Variants in NEMP2 observed in about 807,000 individuals in gnomAD.
NEMP2 encodes nuclear envelope integral membrane protein 2.
A neutral mutation model predicts 54.2 loss-of-function variants in NEMP2; 53 were observed. That is an observed-to-expected ratio of 0.98 (90% CI 0.78 to 1.23). NEMP2 has a LOEUF of 1.23. Among genes scored for constraint, NEMP2 ranks in the 50% most tolerant of loss-of-function variants. NEMP2 has a pLI of 0.00. For missense variants in NEMP2, 455 were observed against 511.3 expected (o/e 0.89, Z 1.06); for synonymous variants, 197 against 190.3 (o/e 1.04, Z -0.29).
chr2:190,548,704 T>C, the NEMP2 span, among the ~76,000 whole-genome samples: 1 of 152,280 alleles, frequency 6.6e-6, no homozygotes, highest in African/African-American at 2.4e-5. Context: ...TTTGTTACTC[T>C]TAATCTTTAT....
the NEMP2 span, among the ~76,000 whole-genome samples, chr2:190,574,366 G>A: frequency 2.6e-5 from 4 of 151,806 alleles, no homozygotes; most frequent in African/African-American, 9.7e-5. Flanking sequence ...AAAAAAAAAA[G>A]TGTTTCACAA....
the NEMP2 span, among the ~76,000 whole-genome samples, chr2:190,487,051 T>C: frequency 6.6e-6 from 1 of 152,160 alleles, no homozygotes; most frequent in African/African-American, 2.4e-5. This position sits in a 1 kb window ranked among gnomAD's most constrained non-coding sequence, Gnocchi z 5.5. Flanking sequence ...AACTGAACTA[T>C]ATATTAAGAA....
chr2:190,593,097 A>G, the NEMP2 span, among the ~76,000 whole-genome samples: 809 of 152,194 alleles, frequency 5.3e-3, 1 homozygote, highest in Non-Finnish European at 7.7e-3. This position sits in a 1 kb window ranked among gnomAD's most constrained non-coding sequence, Gnocchi z 4.5. Context: ...TTTTCTCTCA[A>G]TTGGCTATGT....
At chr2:190,575,073 T>C in the NEMP2 span, among the ~76,000 whole-genome samples, 1 of 151,916 alleles carries the variant, frequency 6.6e-6, no homozygotes, top group Non-Finnish European at 1.5e-5. Context: ...GCCAGGCTGG[T>C]CTCGAACTCC....
chr2:190,596,105 T>G, the NEMP2 span, among the ~76,000 whole-genome samples: 1 of 152,150 alleles, frequency 6.6e-6, no homozygotes, highest in Non-Finnish European at 1.5e-5. The surrounding 1 kb of genome is among the most constrained non-coding windows in gnomAD (Gnocchi z 5.1). Context: ...TGTAGGGACA[T>G]GAATGAAGCT....
chr2:190,537,175 T>G (rs1691403374), upstream of NEMP2, among the ~76,000 whole-genome samples: 1 of 152,086 alleles, frequency 6.6e-6, no homozygotes, highest in South Asian at 2.1e-4. Flanking sequence ...AAAAGTGAAA[T>G]GGAAAGGCTA....
upstream of NEMP2, chr2:190,535,252 C>T (rs1238241790): frequency 6.6e-6 from 1 of 152,186 alleles, no homozygotes; most frequent in African/African-American, 2.4e-5. Flanking sequence ...CAAGCAATAA[C>T]AAATTGGAAA....
chr2:190,572,833 G>GTTCATATA, the NEMP2 span, among the ~76,000 whole-genome samples: 28 of 47,864 alleles, frequency 5.8e-4, no homozygotes, highest in African/African-American at 2.2e-3. Context: ...CTTTTCATGA[G>GTTCATATA]TATATATATA....
Position 190,519,440 on chromosome 2 carries a change from C to T in NEMP2, c.214-257G>A, listed in dbSNP as rs1356473250. Among the ~76,000 whole-genome samples the T allele has an allele frequency of 1.3e-5, 2 of 152,092 alleles. No homozygotes were observed. The highest frequency in any genetic ancestry group is 2.4e-5 in the African/African-American group (1 of 41,416). ...TTCGCCATGTTTCCCAGGCTGGTCT[C>T]GAACTCCTGGGCTCAAGCTGTTTGC... On this transcript the variant is annotated intron_variant, in intron 2 of 8. Transcript: ENST00000409150. This position sits in a 1 kb window ranked among gnomAD's most constrained non-coding sequence, Gnocchi z 5.4.
At chr2:190,607,216 A>G in the NEMP2 span, among the ~76,000 whole-genome samples, 1 of 152,154 alleles carries the variant, frequency 6.6e-6, no homozygotes, top group Admixed American at 6.5e-5. This position sits in a 1 kb window ranked among gnomAD's most constrained non-coding sequence, Gnocchi z 5.2. Context: ...ATAAATGACA[A>G]GTCATTTGGT....
At chr2:190,515,503 A>G (rs574299397) in intron 6 of NEMP2, among the ~76,000 whole-genome samples, 1 of 152,336 alleles carries the variant, frequency 6.6e-6, no homozygotes, top group East Asian at 1.9e-4. Context: ...GATTTTATGT[A>G]ATTATTTTTC....
At position 190,514,712 on chromosome 2, in the gene NEMP2, T is replaced by C. The variant is rs1007300503; in HGVS notation, c.728-34A>G. ...GTGGAAGAGGTAAAATAATATAAATTTGAATTTGAGACATTATGTGAAAAA... is the reference window on the plus strand; with the variant it reads ...GTGGAAGAGGTAAAATAATATAAATCTGAATTTGAGACATTATGTGAAAAA... On this transcript the variant is annotated intron_variant, in intron 6 of 8. Coordinates refer to ENST00000409150, the MANE Select transcript of NEMP2 (RefSeq NM_001142645.2). The surrounding 1 kb of genome is among the most constrained non-coding windows in gnomAD (Gnocchi z 5.7). 6 of 1,533,932 alleles carry C rather than the reference T, an allele frequency of 3.9e-6. No homozygotes were observed. The highest frequency in any genetic ancestry group is 5.3e-6 in the Non-Finnish European group (6 of 1,131,940).
chr2:190,422,563 G>A, the NEMP2 span, among the ~76,000 whole-genome samples: 47 of 152,140 alleles, frequency 3.1e-4, no homozygotes, highest in African/African-American at 9.9e-4. Flanking sequence ...ATGTTGTTGA[G>A]ATATCTGAAG....
chr2:190,575,863 AAAAG>A, the NEMP2 span, among the ~76,000 whole-genome samples: 19 of 152,342 alleles, frequency 1.2e-4, no homozygotes, highest in South Asian at 6.2e-4. Flanking sequence ...CTCAACAAAA[AAAAG>A]AAAGAAAGAA....
chr2:190,461,491 T>C, the NEMP2 span, among the ~76,000 whole-genome samples: 1 of 152,212 alleles, frequency 6.6e-6, no homozygotes, highest in African/African-American at 2.4e-5. This position sits in a 1 kb window ranked among gnomAD's most constrained non-coding sequence, Gnocchi z 5.5. Context: ...TACAATACTA[T>C]ACTTAATATT....
the NEMP2 span, among the ~76,000 whole-genome samples, chr2:190,574,719 TCTTTCTTTC>T: frequency 2.0e-5 from 3 of 151,864 alleles, no homozygotes; most frequent in African/African-American, 7.3e-5. Flanking sequence ...TCTTTCTCTT[TCTTTCTTTC>T]CTTTCTTTCT....
Position 190,521,203 on chromosome 2 carries a change from C to CA in NEMP2, c.214-2021dup, listed in dbSNP as rs1361540235. ...ATTTCACAACTTCTTCCTCAATACT[C>CA]AACACCTTCTCCCCATCCTCTTCTC... is the stretch of plus-strand genomic sequence containing the variant. On this transcript the variant is annotated intron_variant, in intron 2 of 8. Transcript: ENST00000409150. This position sits in a 1 kb window ranked among gnomAD's most constrained non-coding sequence, Gnocchi z 6.2. 6.6e-6 allele frequency among the ~76,000 whole-genome samples: 1 copy of CA among 152,198 alleles called. No homozygotes were observed. Among genetic ancestry groups the CA allele is most frequent in the Admixed American group, 6.5e-5 (1 of 15,284 alleles).
chr2:190,618,465 C>T, the NEMP2 span, among the ~76,000 whole-genome samples: 1 of 152,186 alleles, frequency 6.6e-6, no homozygotes, highest in African/African-American at 2.4e-5. Context: ...TTTCATGTAT[C>T]TCAATCCCTT....
Position 190,534,614 on chromosome 2 carries a change from C to T in NEMP2, c.42G>A (p.Leu14=). Residue 14 remains leucine, a synonymous_variant, in exon 1 of 9, where the codon CTG becomes CTA. Coordinates refer to ENST00000409150, the MANE Select transcript of NEMP2 (RefSeq NM_001142645.2). ...RQGRWWLLLW[L]PPLATLPVRG... The stretch of plus-strand genomic sequence containing the variant: ...GCACGGGCAGTGTGGCCAGGGGCGG[C>T]AGCCAGAGCAGCAGCCACCACCGCC... The T allele has an allele frequency of 2.2e-6, 3 of 1,380,094 alleles. No homozygotes were observed. The highest frequency in any genetic ancestry group is 1.6e-5 in the South Asian group (1 of 61,360). 85.5% of individuals were successfully genotyped at this position (1,380,094 alleles called of 1,614,324 possible).
Sources: gnomAD v4.1 joint callset for allele counts (sites outside exome capture counted in the v4.1 genomes callset) on GRCh38, gnomAD v4.1.1 for gene constraint, Gnocchi (gnomAD v3.1) non-coding constraint, MANE v1.5 for transcripts, NCBI Gene and HGNC (gene_info 2026-07-23, HGNC 2026-07-21) for gene names.